Variants in GDAP2 observed in about 807,000 individuals in gnomAD.
GDAP2 encodes the protein ganglioside induced differentiation associated protein 2.
In GDAP2, 51 loss-of-function variants were observed where a neutral mutation model predicts 67.0. The observed-to-expected ratio is 0.76, with a 90% CI of 0.61 to 0.96. The LOEUF is 0.96. Among genes scored for constraint, GDAP2 ranks in the 40% least tolerant of loss-of-function variants. The pLI is 0.00. For missense variants in GDAP2, 547 were observed against 588.3 expected (o/e 0.93, Z 0.73); for synonymous variants, 203 against 207.3 (o/e 0.98, Z 0.18).
intron 10 of GDAP2, among the ~76,000 whole-genome samples, chr1:117,884,017 C>T (rs776474587): frequency 6.6e-6 from 1 of 152,174 alleles, no homozygotes; most frequent in African/African-American, 2.4e-5. Flanking sequence ...TACTTTTAAT[C>T]ATTTTTGAAG....
rs1244012245 is a variant in GDAP2, at chr1:117,863,655, T to C, written c.*6914A>G. 1 of 149,800 alleles carries C rather than the reference T, an allele frequency of 6.7e-6. No homozygotes were observed. Among genetic ancestry groups the C allele is most frequent in the Non-Finnish European group, 1.5e-5 (1 of 68,024 alleles). 9.3% of individuals were successfully genotyped at this position (149,800 alleles called of 1,614,324 possible). A position where few individuals can be genotyped will look rare whatever the true frequency, so the allele number is the denominator to read the frequency against. ...GACAATAAATATTTTTGAGAAAATA[T>C]AAGAAAATAAACTTTCTAAATAAGC... On this transcript the variant is annotated 3_prime_UTR_variant, in exon 14 of 14. Transcript: ENST00000369443.
At chr1:117,921,388 C>T (rs904786825) in intron 1 of GDAP2, among the ~76,000 whole-genome samples, 14 of 152,104 alleles carry the variant, frequency 9.2e-5, no homozygotes, top group African/African-American at 2.4e-4. Context: ...AAGAAACAAG[C>T]GGGTATCTAA....
At chr1:117,884,663 A>G (rs1648784418) in intron 10 of GDAP2, among the ~76,000 whole-genome samples, 1 of 152,198 alleles carries the variant, frequency 6.6e-6, no homozygotes, top group South Asian at 2.1e-4. Context: ...ACCCCATGCA[A>G]GTACACACCA....
chr1:117,910,812 A>G (rs1055471202), intron 5 of GDAP2, among the ~76,000 whole-genome samples: 1 of 152,214 alleles, frequency 6.6e-6, no homozygotes, highest in Non-Finnish European at 1.5e-5. Flanking sequence ...AGTGGGACCA[A>G]CATTTTCTTC....
At chr1:117,899,898 T>G (rs1446483051) in intron 6 of GDAP2, among the ~76,000 whole-genome samples, 1 of 152,146 alleles carries the variant, frequency 6.6e-6, no homozygotes, top group African/African-American at 2.4e-5. Context: ...TAAAAAAGAC[T>G]GAAATAAAAT....
intron 8 of GDAP2, among the ~76,000 whole-genome samples, chr1:117,891,868 C>A (rs1468250189): frequency 6.6e-6 from 1 of 152,042 alleles, no homozygotes; most frequent in Non-Finnish European, 1.5e-5. Flanking sequence ...AAATTTAAGT[C>A]CTTAATCTAT....
At chr1:117,901,989 C>T (rs559714768) in intron 6 of GDAP2, among the ~76,000 whole-genome samples, 1 of 152,286 alleles carries the variant, frequency 6.6e-6, no homozygotes, top group Admixed American at 6.5e-5. Context: ...TAAGTCCTGC[C>T]CTGCCTTGCC....
At chr1:117,882,926 T>C (rs1212918629) in intron 11 of GDAP2, 1 of 152,210 alleles carries the variant, frequency 6.6e-6, no homozygotes. Context: ...AGAAAAAATG[T>C]AAAACACTAC....
At position 117,920,390 on chromosome 1, in the gene GDAP2, A is replaced by T. The variant is rs754784248; in HGVS notation, c.-33T>A. The T allele has an allele frequency of 7.0e-7, 1 of 1,424,116 alleles. No individual in the cohort carries two copies. Among genetic ancestry groups the T allele is most frequent in the Non-Finnish European group, 9.7e-7 (1 of 1,027,312 alleles). The allele number at this position is 1,424,116 out of a possible 1,614,324, so 88.2% of individuals were successfully genotyped here. On this transcript the variant is annotated 5_prime_UTR_variant, in exon 2 of 14. Coordinates refer to ENST00000369443, the MANE Select transcript of GDAP2 (RefSeq NM_017686.4). ...GAACTTTGATTTGTCTTTTCCCAAA[A>T]TCCTCAGCAATTCAATATTCACTGG...
chr1:117,923,300 T>C (rs1486505187), intron 1 of GDAP2, among the ~76,000 whole-genome samples: 2 of 152,210 alleles, frequency 1.3e-5, no homozygotes, highest in East Asian at 1.9e-4. Flanking sequence ...AAGACAGGCA[T>C]AGGAAATCAC....
intron 5 of GDAP2, among the ~76,000 whole-genome samples, chr1:117,908,661 AT>A (rs747969256): frequency 6.6e-6 from 1 of 151,722 alleles, no homozygotes; most frequent in South Asian, 2.1e-4. Flanking sequence ...TGTTTACCAA[AT>A]TTTTTTTAAA....
intron 6 of GDAP2, among the ~76,000 whole-genome samples, chr1:117,904,351 A>T (rs1427658323): frequency 6.6e-6 from 1 of 152,172 alleles, no homozygotes; most frequent in African/African-American, 2.4e-5. Context: ...TTAATCACAT[A>T]CTATTTTGTG....
In GDAP2 at chr1:117,865,991, A is replaced by C. The variant is rs1489134012; in HGVS notation, c.*4578T>G. The C allele has an allele frequency of 2.0e-5, 3 of 152,238 alleles. No homozygotes were observed. The highest frequency in any genetic ancestry group is 7.2e-5 in the African/African-American group (3 of 41,462). The allele number at this position is 152,238 out of a possible 1,614,324, so 9.4% of individuals were successfully genotyped here. The stretch of plus-strand genomic sequence containing the variant: ...AGATTATGCATATATGTGTGTGTGC[A>C]TGCATGTATATGTATATATGGTTAG... On this transcript the variant is annotated 3_prime_UTR_variant, in exon 14 of 14. Transcript: ENST00000369443.
At position 117,878,089 on chromosome 1, in the gene GDAP2, C is replaced by A. The variant is rs1398219552; in HGVS notation, c.1366G>T (p.Asp456Tyr). The change falls in exon 13 of 14, where the codon GAC becomes TAC. Residue 456 changes from aspartate to tyrosine, a missense_variant. Physicochemically the swap from Asp to Tyr is radical, Grantham distance 160. Coordinates refer to ENST00000369443, the MANE Select transcript of GDAP2 (RefSeq NM_017686.4). Reference protein sequence around the residue: ...SGLKDKIHHVDSLHQLFSAIS... With the variant: ...SGLKDKIHHVYSLHQLFSAIS... The stretch of plus-strand genomic sequence containing the variant: ...GCAGAAAACAGCTGGTGGAGGCTGT[C>A]CACATGGTGGATTTTGTCCTTCAGT... The A allele has an allele frequency of 1.2e-6, 2 of 1,612,216 alleles. No individual in the cohort carries two copies. Among genetic ancestry groups the A allele is most frequent in the Non-Finnish European group, 1.7e-6 (2 of 1,178,526 alleles).
intron 6 of GDAP2, among the ~76,000 whole-genome samples, chr1:117,906,298 A>AT (rs1261892047): frequency 6.6e-6 from 1 of 152,198 alleles, no homozygotes; most frequent in Non-Finnish European, 1.5e-5. Context: ...ACAGTTATAA[A>AT]AAATATGAAC....
intron 1 of GDAP2, among the ~76,000 whole-genome samples, chr1:117,924,781 A>C (rs1650385660): frequency 6.6e-6 from 1 of 152,158 alleles, no homozygotes; most frequent in African/African-American, 2.4e-5. Flanking sequence ...TTTTACCTAA[A>C]AGTTGGTGTT....
intron 13 of GDAP2, chr1:117,877,530 T>C (rs1648506555): frequency 1.0e-6 from 1 of 975,642 alleles, no homozygotes; most frequent in South Asian, 4.7e-5. Context: ...ATAACAACAA[T>C]AATATTATCA....
intron 8 of GDAP2, among the ~76,000 whole-genome samples, chr1:117,888,658 G>T (rs1184445193): frequency 6.6e-6 from 1 of 152,080 alleles, no homozygotes; most frequent in Non-Finnish European, 1.5e-5. Flanking sequence ...CCTAAATGTA[G>T]GAAAAGCAAC....
intron 8 of GDAP2, 66 bp from the exon 9 acceptor site, chr1:117,887,840 AT>A: frequency 1.1e-6 from 1 of 904,020 alleles, no homozygotes; most frequent in Non-Finnish European, 1.8e-6. Context: ...AATGGGACCA[AT>A]TTTTAATACC....
Sources: allele counts gnomAD v4.1 joint callset (sites outside exome capture counted in the v4.1 genomes callset), GRCh38; gene constraint gnomAD v4.1.1; transcripts MANE v1.5; gene names NCBI Gene and HGNC (gene_info 2026-07-23, HGNC 2026-07-21).